The following HLF variants were observed in gnomAD, a reference collection of about 807,000 sequenced individuals.
HLF encodes HLF transcription factor, PAR bZIP family member, also known as hepatic leukemia factor.
In HLF, 3 loss-of-function variants were observed where a neutral mutation model predicts 22.6. The ratio of observed to expected loss-of-function variants is 0.13; its 90% confidence interval spans 0.06 to 0.34. The LOEUF (loss-of-function observed/expected upper bound fraction) is 0.34. Among genes scored for constraint, HLF ranks in the 10% least tolerant of loss-of-function variants. The probability of loss-of-function intolerance (pLI) is 1.00; values close to 1 mark genes in which losing one functional copy is unlikely to be tolerated. For synonymous variants in HLF, 151 were observed against 151.8 expected, an observed-to-expected ratio of 0.99 and a Z score of 0.04; for missense variants, 299 against 389.2, an observed-to-expected ratio of 0.77 and a Z score of 1.95.
intron 1 of HLF, 127 bp from the exon 2 acceptor site, chr17:55,267,624 C>A: frequency 1.6e-6 from 1 of 631,824 alleles, no homozygotes; most frequent in Non-Finnish European, 2.7e-6. Flanking sequence ...CAAAAGACAG[C>A]AGCCAGAGAA....
intron 2 of HLF, among the ~76,000 whole-genome samples, chr17:55,307,631 C>G (rs1406843528): frequency 6.6e-6 from 1 of 152,030 alleles, no homozygotes; most frequent in Non-Finnish European, 1.5e-5. Flanking sequence ...TCCCAAAAGT[C>G]CCTGTTAGGA....
At chr17:55,297,595 ATCCTT>A (rs1473255115) in intron 2 of HLF, among the ~76,000 whole-genome samples, 1 of 151,544 alleles carries the variant, frequency 6.6e-6, no homozygotes, top group Non-Finnish European at 1.5e-5. Flanking sequence ...CATTTCTTTC[ATCCTT>A]TCCTTTGAGG....
intron 2 of HLF, among the ~76,000 whole-genome samples, chr17:55,285,508 A>C (rs2080996066): frequency 6.6e-6 from 1 of 152,222 alleles, no homozygotes. Flanking sequence ...GTGTGCCAGC[A>C]GCTGCAGTCC....
intron 2 of HLF, among the ~76,000 whole-genome samples, chr17:55,290,662 A>C (rs1198339008): frequency 6.6e-6 from 1 of 152,174 alleles, no homozygotes; most frequent in Non-Finnish European, 1.5e-5. Context: ...AGGCCAATTA[A>C]TAACCCTATA....
chr17:55,319,955 A>T (rs774917023), intron 3 of HLF, among the ~76,000 whole-genome samples: 1 of 152,130 alleles, frequency 6.6e-6, no homozygotes, highest in Non-Finnish European at 1.5e-5. Flanking sequence ...GTAAACTGTC[A>T]TTGTTTCCAC....
intron 2 of HLF, among the ~76,000 whole-genome samples, chr17:55,303,736 C>G (rs76516233): frequency 6.6e-6 from 1 of 152,012 alleles, no homozygotes; most frequent in Non-Finnish European, 1.5e-5. Context: ...TGGGCATGCA[C>G]GGTTATCTCT....
At chr17:55,283,819 G>A (rs1203980226) in intron 2 of HLF, 1 of 152,194 alleles carries the variant, frequency 6.6e-6, no homozygotes, top group African/African-American at 2.4e-5. Context: ...CAGATTCCAG[G>A]GAAACTGCGT....
At chr17:55,268,161 A>T in intron 2 of HLF, 75 bp downstream of exon 2, 1 of 1,081,976 alleles carries the variant, frequency 9.2e-7, no homozygotes, top group South Asian at 1.5e-5. Flanking sequence ...GAGTTAGCAT[A>T]AACATCTTAA....
At chr17:55,316,263 T>G (rs1905060237) in intron 3 of HLF, among the ~76,000 whole-genome samples, 1 of 152,214 alleles carries the variant, frequency 6.6e-6, no homozygotes, top group African/African-American at 2.4e-5. Context: ...TTTCCAATCA[T>G]GTGGGTACTA....
rs1286590399 is a variant in HLF, at chr17:55,323,569, T to G, written c.*2690T>G. The G allele has an allele frequency of 8.9e-6, 2 of 224,948 alleles. No individual in the cohort carries two copies. The highest frequency in any genetic ancestry group is 1.3e-4 in the East Asian group (2 of 15,494). 13.9% of individuals were successfully genotyped at this position (224,948 alleles called of 1,614,324 possible). A position where few individuals can be genotyped will look rare whatever the true frequency, so the allele number is the denominator to read the frequency against. ...TGTGCCAGGAGAGGTTTCAGAAACCTACCTCGTCTTACAAATTTAAACACT... is the reference window on the plus strand; with the variant it reads ...TGTGCCAGGAGAGGTTTCAGAAACCGACCTCGTCTTACAAATTTAAACACT... On this transcript the variant is annotated 3_prime_UTR_variant, in exon 4 of 4. Coordinates refer to ENST00000226067, the MANE Select transcript of HLF (RefSeq NM_002126.5).
chr17:55,265,554 T>A lies in HLF; in HGVS notation c.70T>A (p.Ser24Thr), dbSNP rs374972893. 3.1e-6 allele frequency: 5 copies of A among 1,610,066 alleles called. No individual in the cohort carries two copies. The highest frequency in any genetic ancestry group is 3.4e-6 in the Non-Finnish European group (4 of 1,178,418). The change falls in exon 1 of 4, where the codon TCC (serine) becomes ACC (threonine). Residue 24 changes from serine to threonine, a missense_variant. Physicochemically the swap from Ser to Thr is moderately conservative, Grantham distance 58. This residue lies in a region of HLF where 72 missense variants were observed against 74.0 expected (regional missense o/e 0.97). Coordinates refer to ENST00000226067, the MANE Select transcript of HLF (RefSeq NM_002126.5). The part of the protein sequence containing the change: ...FIPPPYGVLR[S>T]LLENPLKLPL... ...CCCGCCTCCCTACGGCGTGCTCAGG[T>A]CCCTGCTGGAGAACCCGCTGAAGCT...
At chr17:55,270,487 C>T (rs1416390352) in intron 2 of HLF, among the ~76,000 whole-genome samples, 1 of 152,116 alleles carries the variant, frequency 6.6e-6, no homozygotes, top group Non-Finnish European at 1.5e-5. Context: ...CTTGATTATT[C>T]TGTGTGGCTC....
chr17:55,307,324 T>TTTA (rs534221778), intron 2 of HLF, among the ~76,000 whole-genome samples: 340 of 150,410 alleles, frequency 2.3e-3, no homozygotes, highest in African/African-American at 7.4e-3. Flanking sequence ...CAGCTAATTA[T>TTTA]TTATTATTAT....
chr17:55,279,125 C>A (rs975656916), intron 2 of HLF, among the ~76,000 whole-genome samples: 3 of 152,040 alleles, frequency 2.0e-5, no homozygotes, highest in African/African-American at 7.2e-5. Context: ...TTCAAATGGG[C>A]AGTGACAACT....
intron 2 of HLF, among the ~76,000 whole-genome samples, chr17:55,290,259 G>C (rs1308144115): frequency 6.6e-6 from 1 of 152,130 alleles, no homozygotes; most frequent in East Asian, 1.9e-4. Context: ...GTGTACAGCT[G>C]TACTTCGTTT....
rs1279915371 is a variant in HLF at position 55,320,373 on chromosome 17, A to C, written c.673-291A>C. Among the ~76,000 whole-genome samples, 2 of 152,212 alleles carry C rather than the reference A, an allele frequency of 1.3e-5. No individual in the cohort carries two copies. Among genetic ancestry groups the C allele is most frequent in the Non-Finnish European group, 2.9e-5 (2 of 68,030 alleles). ...TGAAATGTAATTTAAGGGTGAGGTGAGCCACCTGCTTTCATCCAGCCTCTG... is the reference window on the plus strand; with the variant it reads ...TGAAATGTAATTTAAGGGTGAGGTGCGCCACCTGCTTTCATCCAGCCTCTG... On this transcript the variant is annotated intron_variant, in intron 3 of 3. Transcript: ENST00000226067. This position sits in a 1 kb window ranked among gnomAD's most constrained non-coding sequence, Gnocchi z 4.2.
At position 55,322,865 on chromosome 17, in the gene HLF, G is replaced by A. The variant is rs766451738; in HGVS notation, c.*1986G>A. ...GTGCTATGTGTTTGGTTTATAATTTGATAGATGTTTGACTTTAAAGATGAT... is the reference window on the plus strand; with the variant it reads ...GTGCTATGTGTTTGGTTTATAATTTAATAGATGTTTGACTTTAAAGATGAT... On this transcript the variant is annotated 3_prime_UTR_variant, in exon 4 of 4. Transcript: ENST00000226067. 2 of 228,026 alleles carry A rather than the reference G, an allele frequency of 8.8e-6. No individual in the cohort carries two copies. Among genetic ancestry groups the A allele is most frequent in the Non-Finnish European group, 1.7e-5 (2 of 114,628 alleles). 14.1% of individuals were successfully genotyped at this position (228,026 alleles called of 1,614,324 possible).
At position 55,271,002 on chromosome 17, in the gene HLF, C is replaced by G. The variant is rs970280945; in HGVS notation, c.451+2916C>G. On this transcript the variant is annotated intron_variant, in intron 2 of 3. Transcript: ENST00000226067. ...CTTAGCAGCATCGCGGCCCCTACCT[C>G]CTAGTTGCAAGTAGGACCCCCAGTG... Among the ~76,000 whole-genome samples, 5 of 152,294 alleles carry G rather than the reference C, an allele frequency of 3.3e-5. No homozygotes were observed. The East Asian group carries it at 9.7e-4, about 29-fold the overall frequency.
intron 1 of HLF, among the ~76,000 whole-genome samples, chr17:55,267,323 C>T (rs943069597): frequency 4.6e-5 from 7 of 152,168 alleles, no homozygotes; most frequent in African/African-American, 1.4e-4. Context: ...GTCTGAATGA[C>T]CTCCTATTGC....
Sources: allele counts gnomAD v4.1 joint callset (sites outside exome capture counted in the v4.1 genomes callset), GRCh38; gene constraint gnomAD v4.1.1; regional missense constraint gnomAD v4.1.1; non-coding constraint Gnocchi (gnomAD v3.1); transcripts MANE v1.5; gene names NCBI Gene and HGNC (gene_info 2026-07-23, HGNC 2026-07-21).